Variants in VOPP1 observed in about 807,000 individuals in gnomAD.
The protein encoded by VOPP1 is WW domain binding protein VOPP1.
In VOPP1, 8 loss-of-function variants were observed where a neutral mutation model predicts 23.5. The observed-to-expected ratio is 0.34, with a 90% CI of 0.20 to 0.61. The LOEUF (loss-of-function observed/expected upper bound fraction) is 0.61, where lower values mean the gene tolerates loss of function less well. Among genes scored for constraint, VOPP1 ranks in the 20% least tolerant of loss-of-function variants. VOPP1 has a pLI of 0.78. For missense variants in VOPP1, 174 were observed against 238.1 expected (o/e 0.73, Z 1.77); for synonymous variants, 83 against 97.3 (o/e 0.85, Z 0.86).
At chr7:55,462,587 G>C (rs1031995698) in intron 4 of VOPP1, among the ~76,000 whole-genome samples, 2 of 151,226 alleles carry the variant, frequency 1.3e-5, no homozygotes, top group African/African-American at 2.4e-5. Flanking sequence ...TATTTCAAAA[G>C]ACCTGTCTTC....
chr7:55,508,931 C>T (rs929169171), intron 2 of VOPP1, among the ~76,000 whole-genome samples: 4 of 152,106 alleles, frequency 2.6e-5, no homozygotes, highest in Non-Finnish European at 4.4e-5. Flanking sequence ...ATAGTCCTAG[C>T]GACTCAGAGG....
chr7:55,536,984 A>T (rs1379855401), intron 1 of VOPP1, among the ~76,000 whole-genome samples: 1 of 152,202 alleles, frequency 6.6e-6, no homozygotes, highest in Non-Finnish European at 1.5e-5. Flanking sequence ...CCCTGGCCAC[A>T]AAACCTGAGA....
intron 3 of VOPP1, among the ~76,000 whole-genome samples, chr7:55,496,893 A>G (rs1368070223): frequency 6.6e-6 from 1 of 152,246 alleles, no homozygotes; most frequent in Non-Finnish European, 1.5e-5. Flanking sequence ...TGCATGGGAG[A>G]AGAAGAGCAG....
At chr7:55,491,136 C>A (rs1793535736) in intron 4 of VOPP1, among the ~76,000 whole-genome samples, 1 of 152,224 alleles carries the variant, frequency 6.6e-6, no homozygotes, top group Admixed American at 6.5e-5. Flanking sequence ...GGGGCACATC[C>A]AGAAAACCAT....
chr7:55,439,113 C>T (rs962079293), intron 4 of VOPP1, among the ~76,000 whole-genome samples: 7 of 151,948 alleles, frequency 4.6e-5, no homozygotes, highest in Admixed American at 6.6e-5. Flanking sequence ...GTGATGGAGG[C>T]GTCACTTTGG....
At chr7:55,536,294 C>T (rs1796784541) in intron 1 of VOPP1, among the ~76,000 whole-genome samples, 1 of 152,138 alleles carries the variant, frequency 6.6e-6, no homozygotes, top group African/African-American at 2.4e-5. Context: ...TTCGGGAGGC[C>T]AAGGCAGGCA....
intron 4 of VOPP1, among the ~76,000 whole-genome samples, chr7:55,436,933 A>G (rs1450413416): frequency 6.6e-6 from 1 of 152,150 alleles, no homozygotes; most frequent in African/African-American, 2.4e-5. Context: ...TGTGGCTTTC[A>G]TAGGATCATC....
chr7:55,536,357 C>G (rs544754012), intron 1 of VOPP1, among the ~76,000 whole-genome samples: 7 of 152,230 alleles, frequency 4.6e-5, no homozygotes, highest in African/African-American at 1.7e-4. Flanking sequence ...GGTGAAACCC[C>G]GTCTCTACTA....
chr7:55,444,790 G>A (rs1791055509), intron 4 of VOPP1, among the ~76,000 whole-genome samples: 1 of 151,512 alleles, frequency 6.6e-6, no homozygotes, highest in Admixed American at 6.6e-5. Context: ...CTCTTAACAA[G>A]AGATTTTACA....
chr7:55,481,596 T>C (rs1408879073), intron 4 of VOPP1, among the ~76,000 whole-genome samples: 1 of 152,236 alleles, frequency 6.6e-6, no homozygotes, highest in African/African-American at 2.4e-5. Context: ...CACTCCCACC[T>C]TTTTGACTCA....
intron 4 of VOPP1, among the ~76,000 whole-genome samples, chr7:55,465,060 C>G (rs181676295): frequency 6.6e-6 from 1 of 152,200 alleles, no homozygotes; most frequent in Non-Finnish European, 1.5e-5. Context: ...TTGCTTCCCT[C>G]TCCTTCCAAG....
At chr7:55,553,273 CCTAACAGGATTTT>C (rs1162174146) in intron 1 of VOPP1, among the ~76,000 whole-genome samples, 1 of 152,080 alleles carries the variant, frequency 6.6e-6, no homozygotes, top group Non-Finnish European at 1.5e-5. Flanking sequence ...AGTTCCAACA[CCTAACAGGATTTT>C]ATTGGGGAGA....
intron 1 of VOPP1, chr7:55,537,762 C>A (rs1796887192): frequency 3.7e-6 from 5 of 1,348,848 alleles, no homozygotes; most frequent in African/African-American, 1.5e-5. Context: ...AGGTCCGGCC[C>A]CCAGGCCCAG....
chr7:55,506,075 C>A (rs1418035271), intron 2 of VOPP1, among the ~76,000 whole-genome samples: 1 of 152,290 alleles, frequency 6.6e-6, no homozygotes. Flanking sequence ...TTCGAGAGGT[C>A]CCCATTGCTC....
chr7:55,544,320 T>C (rs944558838), intron 1 of VOPP1, among the ~76,000 whole-genome samples: 5 of 152,148 alleles, frequency 3.3e-5, no homozygotes, highest in African/African-American at 1.2e-4. Context: ...GAAAATATGA[T>C]GAAATTGGAA....
intron 4 of VOPP1, among the ~76,000 whole-genome samples, chr7:55,443,573 A>G (rs943383252): frequency 2.0e-5 from 3 of 151,888 alleles, no homozygotes; most frequent in African/African-American, 7.2e-5. Context: ...AACAAAACCA[A>G]ACAAACAAAC....
At chr7:55,565,622 T>C (rs1441193544) in intron 1 of VOPP1, among the ~76,000 whole-genome samples, 2 of 152,206 alleles carry the variant, frequency 1.3e-5, no homozygotes, top group African/African-American at 4.8e-5. Context: ...AAGTCCTCAA[T>C]TTAGGTTTTT....
chr7:55,563,927 G>A (rs1449139984), intron 1 of VOPP1, among the ~76,000 whole-genome samples: 3 of 152,126 alleles, frequency 2.0e-5, no homozygotes, highest in African/African-American at 7.2e-5. Context: ...TTGAGCTAGA[G>A]AAAGCTGCTC....
intron 1 of VOPP1, among the ~76,000 whole-genome samples, chr7:55,559,208 G>C (rs1438864320): frequency 1.3e-5 from 2 of 152,120 alleles, no homozygotes; most frequent in African/African-American, 4.8e-5. Flanking sequence ...GTTTAAAAAG[G>C]TACTGATTCT....
Sources: gnomAD v4.1 joint callset for allele counts (sites outside exome capture counted in the v4.1 genomes callset) on GRCh38, gnomAD v4.1.1 for gene constraint, MANE v1.5 for transcripts, NCBI Gene and HGNC (gene_info 2026-07-23, HGNC 2026-07-21) for gene names.